B4GALT1: variants seen among roughly 807,000 people sequenced by gnomAD.
B4GALT1 encodes the protein beta-1,4-galactosyltransferase 1, also known as N-acetyllactosamine synthase.
A neutral mutation model predicts 34.9 loss-of-function variants in B4GALT1; 16 were observed. The observed-to-expected ratio is 0.46, with a 90% confidence interval of 0.31 to 0.70. The LOEUF is 0.70. Ranked by LOEUF, B4GALT1 falls within the 30% of genes least tolerant of loss-of-function variation. The pLI is 0.05. For missense variants in B4GALT1, 445 were observed against 530.5 expected (o/e 0.84, Z 1.58); for synonymous variants, 221 against 218.1 (o/e 1.01, Z -0.12).
intron 2 of B4GALT1, among the ~76,000 whole-genome samples, chr9:33,131,629 G>C (rs186483994): frequency 3.0e-4 from 46 of 152,318 alleles, no homozygotes; most frequent in African/African-American, 1.1e-3. Flanking sequence ...GGAATGAAAA[G>C]TCAAAATGAC....
At chr9:33,180,400 C>T in the B4GALT1 span, among the ~76,000 whole-genome samples, 1 of 152,130 alleles carries the variant, frequency 6.6e-6, no homozygotes, top group Admixed American at 6.6e-5. Flanking sequence ...CAATGTCTTC[C>T]GAAACAACAT....
chr9:33,155,677 T>A (rs113476781), intron 1 of B4GALT1, among the ~76,000 whole-genome samples: 2 of 152,318 alleles, frequency 1.3e-5, no homozygotes, highest in African/African-American at 4.8e-5. Context: ...TAAGTTGTGG[T>A]CAGAGCCTCA....
rs375356649 is a variant in B4GALT1 at position 33,117,408 on chromosome 9, A to C, written c.837-1295T>G. Among the ~76,000 whole-genome samples the C allele has an allele frequency of 2.6e-5, 4 of 152,200 alleles. No individual in the cohort carries two copies. The East Asian group carries it at 7.7e-4, about 29-fold the overall frequency. Reference sequence around the variant, plus strand: ...TATTTTAATATTTCAGTGGTTATGAATTGTGAACTCCTAAGGGATACAAAG... The same window carrying C: ...TATTTTAATATTTCAGTGGTTATGACTTGTGAACTCCTAAGGGATACAAAG... On this transcript the variant is annotated intron_variant, in intron 3 of 5. Coordinates refer to ENST00000379731, the MANE Select transcript of B4GALT1 (RefSeq NM_001497.4).
rs1416979305 is a variant in B4GALT1, at chr9:33,167,041, A to G, written c.129T>C (p.Ala43=). Residue 43 remains alanine (A), a synonymous_variant, in exon 1 of 6, where the codon GCT becomes GCC. Transcript: ENST00000379731. ...HLGVTLVYYL[A]GRDLSRLPQL... ...GGGGCAGGCGGCTCAGGTCGCGGCC[A>G]GCCAGGTAGTAAACGAGGGTGACGC... 5 of 1,600,784 alleles carry G rather than the reference A, an allele frequency of 3.1e-6. No individual in the cohort carries two copies. Among genetic ancestry groups the G allele is most frequent in the Non-Finnish European group, 4.2e-6 (5 of 1,178,690 alleles).
chr9:33,176,266 C>CTT, the B4GALT1 span, among the ~76,000 whole-genome samples: 5 of 152,204 alleles, frequency 3.3e-5, no homozygotes, highest in Admixed American at 3.3e-4. Context: ...GTTGAACTAT[C>CTT]TTTGTCTGTT....
upstream of B4GALT1, among the ~76,000 whole-genome samples, chr9:33,170,426 G>A (rs1840829295): frequency 6.6e-6 from 1 of 152,206 alleles, no homozygotes; most frequent in African/African-American, 2.4e-5. Flanking sequence ...GTGTCTAGGG[G>A]TAAAGTCGGC....
chr9:33,120,764 C>T (rs1240096355), intron 2 of B4GALT1, among the ~76,000 whole-genome samples, 158 bp from the exon 3 acceptor site: 1 of 152,224 alleles, frequency 6.6e-6, no homozygotes, highest in African/African-American at 2.4e-5. Context: ...GTACCAAAAC[C>T]TCTGAGTCAG....
At position 33,113,307 on chromosome 9, in the gene B4GALT1, G is replaced by A. The variant is rs1469712414; in HGVS notation, c.*147C>T. 8.2e-7 allele frequency: 1 copy of A among 1,224,256 alleles called. No homozygotes were observed. 75.8% of individuals were successfully genotyped at this position (1,224,256 alleles called of 1,614,324 possible). A position where few individuals can be genotyped will look rare whatever the true frequency, so the allele number is the denominator to read the frequency against. On this transcript the variant is annotated 3_prime_UTR_variant, in exon 6 of 6. Transcript: ENST00000379731. ...GGGGCAAAATATCCCACTCGTCCTG[G>A]TCATCTGGAAAGCCATCTGAATGAT...
chr9:33,109,892 G>T (rs931885329), downstream of B4GALT1, among the ~76,000 whole-genome samples: 1 of 152,228 alleles, frequency 6.6e-6, no homozygotes, highest in African/African-American at 2.4e-5. Context: ...GAGAAGGAAA[G>T]AAACAGGTTT....
chr9:33,140,861 G>A (rs1331967484), intron 1 of B4GALT1, among the ~76,000 whole-genome samples: 1 of 152,266 alleles, frequency 6.6e-6, no homozygotes, highest in Non-Finnish European at 1.5e-5. Context: ...GCATTCTCGT[G>A]AAATCACGGT....
In B4GALT1 at chr9:33,120,584, C is replaced by T; in HGVS notation, c.671G>A (p.Arg224His). Residue 224 changes from arginine to histidine, a missense_variant, in exon 3 of 6, where the codon CGT becomes CAT. Around this residue, in one of 3 missense-constraint regions of B4GALT1, gnomAD observed 349 missense variants for 395.5 expected, o/e 0.88. Coordinates refer to ENST00000379731, the MANE Select transcript of B4GALT1 (RefSeq NM_001497.4). ...AAAGCCAACATTGAGGAGCTTAGCA[C>T]GATTGAATATAGTGTCTCCCGCCTG... is the stretch of plus-strand genomic sequence containing the variant. ...INQAGDTIFN[R>H]AKLLNVGFQE... The T allele has an allele frequency of 6.2e-7, 1 of 1,614,144 alleles. No individual in the cohort carries two copies. Among genetic ancestry groups the T allele is most frequent in the Non-Finnish European group, 8.5e-7 (1 of 1,180,018 alleles).
chr9:33,178,973 G>A, the B4GALT1 span: 1 of 152,222 alleles, frequency 6.6e-6, no homozygotes, highest in Admixed American at 6.5e-5. Context: ...TCTATGGCAT[G>A]TGTCTCTATT....
downstream of B4GALT1, among the ~76,000 whole-genome samples, chr9:33,106,601 G>A (rs1018074896): frequency 2.6e-5 from 4 of 152,200 alleles, no homozygotes; most frequent in African/African-American, 7.2e-5. Context: ...TGTCTCCAAC[G>A]CCATGCCAGC....
the B4GALT1 span, among the ~76,000 whole-genome samples, chr9:33,181,380 C>T: frequency 6.6e-6 from 1 of 150,620 alleles, no homozygotes; most frequent in East Asian, 2.0e-4. Flanking sequence ...GATGTGATTG[C>T]ACCACTGCAT....
intron 1 of B4GALT1, among the ~76,000 whole-genome samples, chr9:33,138,405 C>T (rs60338499): frequency 1.3e-5 from 2 of 152,282 alleles, no homozygotes; most frequent in African/African-American, 4.8e-5. Flanking sequence ...TCCAGTGACA[C>T]TTGGTAAACC....
At chr9:33,160,682 G>T (rs528997793) in intron 1 of B4GALT1, among the ~76,000 whole-genome samples, 1 of 152,030 alleles carries the variant, frequency 6.6e-6, no homozygotes, top group Non-Finnish European at 1.5e-5. Context: ...TGGGAGAATC[G>T]CTTAGCCCGA....
In B4GALT1 at chr9:33,167,199, G is replaced by A; in HGVS notation, c.-30C>T. 1 of 1,557,408 alleles carries A rather than the reference G, an allele frequency of 6.4e-7. No homozygotes were observed. The highest frequency in any genetic ancestry group is 8.7e-7 in the Non-Finnish European group (1 of 1,155,180). On this transcript the variant is annotated 5_prime_UTR_variant, in exon 1 of 6. Transcript: ENST00000379731. ...CCGCCGCCGCTTTAAGAAGGGTGTG[G>A]GCTACAGGAGGGGAGGCGACCCGCC...
At chr9:33,175,746 A>G in the B4GALT1 span, among the ~76,000 whole-genome samples, 1 of 152,236 alleles carries the variant, frequency 6.6e-6, no homozygotes, top group African/African-American at 2.4e-5. Flanking sequence ...TAGGAGCAAT[A>G]GGCCATACCA....
chr9:33,157,183 C>T (rs1840609392), intron 1 of B4GALT1, among the ~76,000 whole-genome samples: 1 of 149,042 alleles, frequency 6.7e-6, no homozygotes, highest in Non-Finnish European at 1.5e-5. Context: ...CAGTGTGAGG[C>T]TCCAGCTAGA....
Sources: allele counts gnomAD v4.1 joint callset (sites outside exome capture counted in the v4.1 genomes callset), GRCh38; gene constraint gnomAD v4.1.1; regional missense constraint gnomAD v4.1.1; transcripts MANE v1.5; gene names NCBI Gene and HGNC (gene_info 2026-07-23, HGNC 2026-07-21).